RFFL: variants seen among roughly 807,000 people sequenced by gnomAD.
RFFL encodes the protein E3 ubiquitin-protein ligase rififylin.
Under a neutral mutation model 40.4 loss-of-function variants are expected in RFFL, and 16 were observed. That is an observed-to-expected ratio of 0.40 (90% CI 0.27 to 0.60). RFFL has a LOEUF of 0.60. Ranked by LOEUF, RFFL falls within the 20% of genes least tolerant of loss-of-function variation. The pLI is 0.47. For synonymous variants in RFFL, 154 were observed against 167.9 expected (o/e 0.92, Z 0.64); for missense variants, 367 against 451.7 (o/e 0.81, Z 1.70).
intron 1 of RFFL, among the ~76,000 whole-genome samples, chr17:35,045,176 G>A (rs2091191326): frequency 1.3e-5 from 2 of 152,092 alleles, no homozygotes; most frequent in African/African-American, 2.4e-5. Flanking sequence ...CATTCTGGGG[G>A]AAAGAGCATT....
chr17:35,021,478 G>A lies in RFFL; in HGVS notation c.484C>T (p.Leu162=), dbSNP rs773824919. 25 of 1,582,162 alleles carry A rather than the reference G, an allele frequency of 1.6e-5. No individual in the cohort carries two copies. In the Admixed American group the frequency reaches 3.4e-4, roughly 21 times the overall value. The change falls in exon 3 of 7, where the codon CTG becomes TTG. Residue 162 remains leucine, a synonymous_variant. Coordinates refer to ENST00000394597, the MANE Select transcript of RFFL (RefSeq NM_001017368.2). Reference sequence around the variant, plus strand: ...ACCATGCTGGAGTGAGGCTGGGTCAGGAAGGCCTGCTGCTCAGGAAAGTCT... The same window carrying A: ...ACCATGCTGGAGTGAGGCTGGGTCAAGAAGGCCTGCTGCTCAGGAAAGTCT... ...SPDFPEQQAF[L]TQPHSSMVPP...
At chr17:35,025,642 A>C (rs983131453) in intron 2 of RFFL, among the ~76,000 whole-genome samples, 1 of 152,234 alleles carries the variant, frequency 6.6e-6, no homozygotes, top group Non-Finnish European at 1.5e-5. Flanking sequence ...CTGAGCTGCA[A>C]ACCTCTCATT....
At chr17:35,071,132 A>G (rs2142377258) in intron 1 of RFFL, among the ~76,000 whole-genome samples, 1 of 149,970 alleles carries the variant, frequency 6.7e-6, no homozygotes, top group East Asian at 2.0e-4. Flanking sequence ...TGGGAGGCAG[A>G]GGCTGCAGTG....
At chr17:35,074,622 G>T (rs746497902) in intron 1 of RFFL, among the ~76,000 whole-genome samples, 1 of 152,168 alleles carries the variant, frequency 6.6e-6, no homozygotes, top group Non-Finnish European at 1.5e-5. Context: ...CACATTTGTG[G>T]AACACAGATA....
intron 1 of RFFL, among the ~76,000 whole-genome samples, chr17:35,033,062 G>T (rs766897209): frequency 6.6e-6 from 1 of 152,076 alleles, no homozygotes; most frequent in Non-Finnish European, 1.5e-5. Context: ...CAAGAAACTT[G>T]ACTGTAAAAT....
At chr17:35,054,040 G>A (rs890631618) in intron 1 of RFFL, among the ~76,000 whole-genome samples, 3 of 152,044 alleles carry the variant, frequency 2.0e-5, no homozygotes, top group African/African-American at 7.2e-5. Context: ...AATCCTGAGG[G>A]GTCATCCTGA....
intron 1 of RFFL, among the ~76,000 whole-genome samples, chr17:35,027,659 G>T (rs1259943203): frequency 6.6e-6 from 1 of 151,510 alleles, no homozygotes; most frequent in African/African-American, 2.4e-5. Flanking sequence ...GGGAAGTAGA[G>T]GTTGTGGTGA....
chr17:35,030,349 A>C (rs565756885), intron 1 of RFFL, among the ~76,000 whole-genome samples: 2 of 150,678 alleles, frequency 1.3e-5, no homozygotes, highest in Non-Finnish European at 3.0e-5. Context: ...CCTCTCCAGC[A>C]CCTGTTGTTT....
chr17:35,037,904 T>C (rs1024973972), intron 1 of RFFL, among the ~76,000 whole-genome samples: 3 of 152,156 alleles, frequency 2.0e-5, no homozygotes, highest in Non-Finnish European at 2.9e-5. Flanking sequence ...TTTGTCATAA[T>C]GGAAGTACAA....
chr17:35,063,543 C>T (rs897464749), intron 1 of RFFL, 33 bp downstream of exon 1: 1 of 145,686 alleles, frequency 6.9e-6, no homozygotes, highest in African/African-American at 2.5e-5. Context: ...CTTCATCTAG[C>T]TAATGAAACT....
At chr17:35,058,600 G>A (rs981857512) in intron 1 of RFFL, among the ~76,000 whole-genome samples, 4 of 151,944 alleles carry the variant, frequency 2.6e-5, no homozygotes, top group African/African-American at 9.7e-5. Flanking sequence ...GTGAAACCCC[G>A]TATCTACTAA....
chr17:35,065,205 C>T (rs1003757879), upstream of RFFL, among the ~76,000 whole-genome samples: 5 of 151,470 alleles, frequency 3.3e-5, no homozygotes, highest in Non-Finnish European at 5.9e-5. Flanking sequence ...ATGGAACCTC[C>T]TTCAGAAAAA....
At position 35,035,131 on chromosome 17, in the gene RFFL, T is replaced by C. The variant is rs141878726; in HGVS notation, c.-8-8570A>G. 7.0e-3 allele frequency among the ~76,000 whole-genome samples: 1,066 copies of C among 152,260 alleles called. 10 individuals carry two copies. The highest frequency in any genetic ancestry group is 0.024 in the African/African-American group (1,015 of 41,546). ...GGCTACTTTTAAAAAGAAGGCTGGC[T>C]GGGCGCGGTGGCTCAGGCCTGTAAT... On this transcript the variant is annotated intron_variant, in intron 1 of 6. Coordinates refer to ENST00000394597, the MANE Select transcript of RFFL (RefSeq NM_001017368.2).
intron 5 of RFFL, among the ~76,000 whole-genome samples, chr17:35,016,067 G>A (rs1364441568): frequency 6.6e-6 from 1 of 152,188 alleles, no homozygotes; most frequent in Non-Finnish European, 1.5e-5. Context: ...ATAGCATATG[G>A]TGAGAAAGGC....
chr17:35,028,143 T>G (rs1249466057), intron 1 of RFFL, among the ~76,000 whole-genome samples: 1 of 151,972 alleles, frequency 6.6e-6, no homozygotes, highest in East Asian at 1.9e-4. Context: ...AAGACCAGTC[T>G]GGCCAACATG....
chr17:35,045,509 C>T (rs921028055), intron 1 of RFFL, among the ~76,000 whole-genome samples: 16 of 152,054 alleles, frequency 1.1e-4, no homozygotes, highest in African/African-American at 3.4e-4. Context: ...TCTAGGATTA[C>T]AGGCATGAGC....
intron 1 of RFFL, among the ~76,000 whole-genome samples, chr17:35,078,586 G>A (rs1234670829): frequency 6.6e-6 from 1 of 152,170 alleles, no homozygotes; most frequent in Non-Finnish European, 1.5e-5. Context: ...ACAGGCATGA[G>A]CCACCAGGCC....
chr17:35,027,349 C>T (rs1287073088), intron 1 of RFFL, among the ~76,000 whole-genome samples: 1 of 152,198 alleles, frequency 6.6e-6, no homozygotes, highest in East Asian at 1.9e-4. Context: ...ATGTACAGTA[C>T]TGTTCCCTAG....
intron 1 of RFFL, among the ~76,000 whole-genome samples, chr17:35,029,535 T>C (rs1272048915): frequency 3.4e-5 from 5 of 148,790 alleles, no homozygotes; most frequent in Non-Finnish European, 7.5e-5. Flanking sequence ...TTTTTTTTTT[T>C]TTTGAGACGG....
Sources: allele counts gnomAD v4.1 joint callset (sites outside exome capture counted in the v4.1 genomes callset), GRCh38; gene constraint gnomAD v4.1.1; transcripts MANE v1.5; gene names NCBI Gene and HGNC (gene_info 2026-07-23, HGNC 2026-07-21).